The following CC2D1B variants were observed in gnomAD, a reference collection of about 807,000 sequenced individuals.
CC2D1B encodes the protein coiled-coil and C2 domain containing 1B, also known as coiled-coil and C2 domain-containing protein 1B.
In CC2D1B, 92 loss-of-function variants were observed where a neutral mutation model predicts 110.8. The observed-to-expected ratio is 0.83, with a 90% CI of 0.70 to 0.99. The LOEUF is 0.99. Among genes scored for constraint, CC2D1B ranks in the 50% least tolerant of loss-of-function variants. The pLI is 0.00. For synonymous variants in CC2D1B, 406 were observed against 429.2 expected (o/e 0.95, Z 0.67); for missense variants, 1,136 against 1,089.0 (o/e 1.04, Z -0.61).
At position 52,355,943 on chromosome 1, in the gene CC2D1B, G is replaced by A. The variant is rs571958702; in HGVS notation, c.2055-99C>T. The A allele has an allele frequency of 1.2e-4, 149 of 1,246,662 alleles. 1 individual carries two copies. Among genetic ancestry groups the A allele is most frequent in the South Asian group, 5.7e-4 (47 of 82,590 alleles). 77.2% of individuals were successfully genotyped at this position (1,246,662 alleles called of 1,614,324 possible). On this transcript the variant is annotated intron_variant, in intron 18 of 24. Coordinates refer to ENST00000284376, the MANE Select transcript of CC2D1B (RefSeq NM_001330585.2). The stretch of plus-strand genomic sequence containing the variant: ...CCTGTCTGCCCAGCTGGGTGGTGAC[G>A]GGAGGGAAGGCAGAGCTGGTATGCA...
chr1:52,362,591 T>A lies in CC2D1B; in HGVS notation c.214+11A>T. The A allele has an allele frequency of 6.2e-7, 1 of 1,614,108 alleles. No homozygotes were observed. The highest frequency in any genetic ancestry group is 1.1e-5 in the South Asian group (1 of 91,074). ...TCCCAGCACCAAGACCAGCCCTGTGTCCAAACTCACCCTGCCCCTTGGGTG... is the reference window on the plus strand; with the variant it reads ...TCCCAGCACCAAGACCAGCCCTGTGACCAAACTCACCCTGCCCCTTGGGTG... On this transcript the variant is annotated intron_variant, in intron 3 of 24. Transcript: ENST00000284376.
At chr1:52,358,520 A>T in intron 12 of CC2D1B, 59 bp from the exon 13 acceptor site, 1 of 1,608,982 alleles carries the variant, frequency 6.2e-7, no homozygotes, top group Non-Finnish European at 8.5e-7. Flanking sequence ...GCACAAAGCT[A>T]CCCGGGGCCC....
Position 52,358,396 on chromosome 1 carries a change from A to G in CC2D1B, c.1396T>C (p.Leu466=), listed in dbSNP as rs780155583. Residue 466 remains leucine (L), a synonymous_variant, in exon 13 of 25, where the codon TTG becomes CTG. Transcript: ENST00000284376. ...GVEEDAVAAT[L]AAAEKLASAE... ...GAGGCCAGTTTCTCTGCAGCTGCCA[A>G]TGTCGCTGCCACTGCGTCCTCCTCA... 46 of 1,613,950 alleles carry G rather than the reference A, an allele frequency of 2.9e-5. No individual in the cohort carries two copies. The highest frequency in any genetic ancestry group is 3.6e-5 in the Non-Finnish European group (43 of 1,179,996).
chr1:52,358,627 A>G, intron 12 of CC2D1B, 59 bp downstream of exon 12: 6 of 1,583,552 alleles, frequency 3.8e-6, no homozygotes, highest in Non-Finnish European at 4.3e-6. Context: ...GCTGTCCCCC[A>G]TTCCCTTCTT....
chr1:52,358,737 C>T lies in CC2D1B; in HGVS notation c.1279G>A (p.Ala427Thr). The T allele has an allele frequency of 6.2e-7, 1 of 1,611,982 alleles. No individual in the cohort carries two copies. The highest frequency in any genetic ancestry group is 8.5e-7 in the Non-Finnish European group (1 of 1,179,434). ...TTGACTTTCCGTCCTGCTCGGTGTGCTCGAATAGCATCTTGATATTGCTGC... is the reference window on the plus strand; with the variant it reads ...TTGACTTTCCGTCCTGCTCGGTGTGTTCGAATAGCATCTTGATATTGCTGC... ...IAKQYQDAIR[A>T]HRAGRKVNFA... Residue 427 changes from alanine (A) to threonine (T), a missense_variant, in exon 12 of 25, where the codon GCA (alanine) becomes ACA (threonine). Ala to Thr is a moderately conservative substitution (Grantham distance 58). Coordinates refer to ENST00000284376, the MANE Select transcript of CC2D1B (RefSeq NM_001330585.2).
At position 52,359,727 on chromosome 1, in the gene CC2D1B, C is replaced by A. The variant is rs376299434; in HGVS notation, c.920G>T (p.Arg307Leu). 1.7e-5 allele frequency: 27 copies of A among 1,605,784 alleles called. No homozygotes were observed. The highest frequency in any genetic ancestry group is 2.3e-5 in the East Asian group (1 of 44,442). The change falls in exon 8 of 25, where the codon CGA becomes CTA. Residue 307 changes from arginine to leucine, a missense_variant. Coordinates refer to ENST00000284376, the MANE Select transcript of CC2D1B (RefSeq NM_001330585.2). ...TACCTTCCCAATCCTCATGAGCTCT[C>A]GGGCACGGTCTAGCTCTCCAGCCCG... ...AKRAGELDRA[R>L]ELMRIGKRFG...
At chr1:52,361,341 A>C in intron 4 of CC2D1B, 172 bp downstream of exon 4, 2 of 1,261,458 alleles carry the variant, frequency 1.6e-6, no homozygotes, top group South Asian at 2.8e-5. Context: ...CCAACTGCAG[A>C]GCTTAGACCA....
intron 13 of CC2D1B, 123 bp downstream of exon 13, chr1:52,358,208 C>A: frequency 7.2e-7 from 1 of 1,392,098 alleles, no homozygotes. Flanking sequence ...CAAGTTTTTT[C>A]TCTGTACAGT....
At chr1:52,360,284 C>A in intron 6 of CC2D1B, 51 bp from the exon 7 acceptor site, 1 of 1,609,024 alleles carries the variant, frequency 6.2e-7, no homozygotes, top group Non-Finnish European at 8.5e-7. Flanking sequence ...CAGCCCAGAC[C>A]CTGCTCCAAG....
intron 18 of CC2D1B, 123 bp from the exon 19 acceptor site, chr1:52,355,967 C>A: frequency 9.6e-7 from 1 of 1,039,174 alleles, no homozygotes; most frequent in Non-Finnish European, 1.5e-6. Context: ...AGCTGGTATG[C>A]AGACCTTGAT....
chr1:52,361,574 C>G lies in CC2D1B; in HGVS notation c.257G>C (p.Cys86Ser), dbSNP rs960937107. 3 of 1,613,948 alleles carry G rather than the reference C, an allele frequency of 1.9e-6. No homozygotes were observed. The South Asian group carries it at 3.3e-5, about 18-fold the overall frequency. ...MAHIEKLAADCMRDVEEEEEE... is the reference protein window; with the variant it reads ...MAHIEKLAADSMRDVEEEEEE... ...CTCCTCCTCCTCCACATCCCGCATA[C>G]AGTCTGCCGCCAACTTCTCGATGTG... The change falls in exon 4 of 25, where the codon TGT (cysteine) becomes TCT (serine). Residue 86 changes from cysteine (C) to serine (S), a missense_variant. Coordinates refer to ENST00000284376, the MANE Select transcript of CC2D1B (RefSeq NM_001330585.2).
At position 52,359,142 on chromosome 1, in the gene CC2D1B, G is replaced by T; in HGVS notation, c.1142C>A (p.Ser381Ter). 2 of 1,611,020 alleles carry T rather than the reference G, an allele frequency of 1.2e-6. No homozygotes were observed. The highest frequency in any genetic ancestry group is 1.7e-6 in the Non-Finnish European group (2 of 1,179,726). The change falls in exon 11 of 25, where the codon TCA (serine) becomes TAA (stop). Residue 381 changes from serine (S) to a stop codon, truncating the protein, a stop_gained. Coordinates refer to ENST00000284376, the MANE Select transcript of CC2D1B (RefSeq NM_001330585.2). LOFTEE classifies it high-confidence loss of function. ...VPATPVAPTE[S>*]QTVLDALQQR... ...CTGCAGGGCATCCAGCACTGTCTGT[G>T]ACTCTGTAGGGGCCACTTGAAGGAA...
At chr1:52,357,457 C>A in intron 15 of CC2D1B, 69 bp downstream of exon 15, 1 of 1,481,954 alleles carries the variant, frequency 6.7e-7, no homozygotes, top group Non-Finnish European at 9.1e-7. Context: ...CCCTTGTTCA[C>A]AGCCTGTCAA....
rs1646745496 is a variant in CC2D1B at position 52,360,054 on chromosome 1, A to G, written c.763+20T>C. 2.6e-6 allele frequency: 4 copies of G among 1,561,562 alleles called. No individual in the cohort carries two copies. The African/African-American group carries it at 5.4e-5, about 21-fold the overall frequency. On this transcript the variant is annotated intron_variant, in intron 7 of 24. Transcript: ENST00000284376. ...CTATGACCCCAGGAACTAGAACAGG[A>G]TTTGGGCATCTGCAGATACCTGACT...
chr1:52,360,163 A>G lies in CC2D1B; in HGVS notation c.674T>C (p.Val225Ala). 6.2e-7 allele frequency: 1 copy of G among 1,613,700 alleles called. No individual in the cohort carries two copies. The highest frequency in any genetic ancestry group is 1.3e-5 in the African/African-American group (1 of 75,016). Residue 225 changes from valine (V) to alanine (A), a missense_variant, in exon 7 of 25, where the codon GTG (valine) becomes GCG (alanine). Physicochemically the swap from Val to Ala is moderately conservative, Grantham distance 64 (BLOSUM62 0). Coordinates refer to ENST00000284376, the MANE Select transcript of CC2D1B (RefSeq NM_001330585.2). ...KINEDEIPPPVALGKRPLAPQ... is the reference protein window; with the variant it reads ...KINEDEIPPPAALGKRPLAPQ... ...GGCCAGGGGCCGCTTTCCTAAGGCC[A>G]CTGGAGGTGGGATCTCATCCTCATT...
rs768400113 is a variant in CC2D1B at position 52,354,897 on chromosome 1, C to T, written c.2282G>A (p.Arg761Gln). 176 of 1,614,006 alleles carry T rather than the reference C, an allele frequency of 1.1e-4. No individual in the cohort carries two copies. Among genetic ancestry groups the T allele is most frequent in the South Asian group, 1.0e-3 (91 of 91,086 alleles). Residue 761 changes from arginine (R) to glutamine (Q), a missense_variant, in exon 22 of 25, where the codon CGG becomes CAG. Coordinates refer to ENST00000284376, the MANE Select transcript of CC2D1B (RefSeq NM_001330585.2). ...LFKLNINRNH[R>Q]GFKRVIQSKG... ...GCTCTGGATCACCCTCTTGAAGCCC[C>T]GGTGGTTTCGGTTGATGTTTAGTTT...
chr1:52,356,062 G>T, intron 18 of CC2D1B, 124 bp downstream of exon 18: 1 of 952,998 alleles, frequency 1.0e-6, no homozygotes, highest in African/African-American at 1.6e-5. Context: ...GTCCTCAGCA[G>T]CCCCAGTGCC....
intron 23 of CC2D1B, 45 bp downstream of exon 23, chr1:52,354,563 C>T: frequency 6.6e-7 from 1 of 1,524,356 alleles, no homozygotes; most frequent in East Asian, 2.3e-5. Context: ...CGTATTGGCT[C>T]TTGTCGTACC....
At chr1:52,356,108 G>A in intron 18 of CC2D1B, 78 bp downstream of exon 18, 2 of 1,284,590 alleles carry the variant, frequency 1.6e-6, no homozygotes, top group Non-Finnish European at 2.2e-6. Context: ...CTCACTAAAG[G>A]GGTAGCAGTC....
Sources: gnomAD v4.1 joint callset for allele counts on GRCh38, gnomAD v4.1.1 for gene constraint, MANE v1.5 for transcripts, NCBI Gene and HGNC (gene_info 2026-07-23, HGNC 2026-07-21) for gene names.